LUZP2: variants seen among roughly 807,000 people sequenced by gnomAD.
The protein encoded by LUZP2 is leucine zipper protein 2.
In LUZP2, 52 loss-of-function variants were observed where a neutral mutation model predicts 51.6. That is an observed-to-expected ratio of 1.01 (90% CI 0.81 to 1.27). LUZP2 has a LOEUF of 1.27. Ranked by LOEUF, LUZP2 falls within the 50% of genes most tolerant of loss-of-function variation. The pLI, the probability that LUZP2 is intolerant of heterozygous loss-of-function variation, is 0.00. For synonymous variants in LUZP2, 154 were observed against 137.3 expected, an observed-to-expected ratio of 1.12 and a Z score of -0.85; for missense variants, 436 against 395.4, an observed-to-expected ratio of 1.10 and a Z score of -0.87.
intron 5 of LUZP2, among the ~76,000 whole-genome samples, chr11:24,868,719 T>C (rs1851966744): frequency 1.3e-5 from 2 of 152,074 alleles, no homozygotes; most frequent in African/African-American, 2.4e-5. Flanking sequence ...AAATTAAAAA[T>C]CTCCCCCAAA....
intron 1 of LUZP2, among the ~76,000 whole-genome samples, chr11:24,724,625 G>A (rs1007518503): frequency 2.6e-5 from 4 of 151,984 alleles, no homozygotes; most frequent in Non-Finnish European, 5.9e-5. Context: ...CAAGACAGAA[G>A]GTATTCTATC....
chr11:24,774,195 G>T (rs940200102), intron 5 of LUZP2, among the ~76,000 whole-genome samples: 1 of 151,532 alleles, frequency 6.6e-6, no homozygotes, highest in South Asian at 2.1e-4. Context: ...CTCCTGTGCT[G>T]GATGCTTCCT....
chr11:24,858,334 A>G (rs1851632014), intron 5 of LUZP2, among the ~76,000 whole-genome samples: 3 of 152,158 alleles, frequency 2.0e-5, no homozygotes. Context: ...CTGATAAACT[A>G]TAGCCACTAT....
chr11:24,579,516 A>C lies in LUZP2; in HGVS notation c.62+82211A>C, dbSNP rs184240113. The stretch of plus-strand genomic sequence containing the variant: ...AAGGACAAAATTGTTGTAACTACTC[A>C]AATTGCTTATGGTTTCAACTTTTGA... On this transcript the variant is annotated intron_variant, in intron 1 of 11. Coordinates refer to ENST00000336930, the MANE Select transcript of LUZP2 (RefSeq NM_001009909.4). 9.2e-5 allele frequency among the ~76,000 whole-genome samples: 14 copies of C among 152,208 alleles called. 1 individual carries two copies. Among genetic ancestry groups the C allele is most frequent in the African/African-American group, 3.4e-4 (14 of 41,578 alleles).
intron 5 of LUZP2, among the ~76,000 whole-genome samples, chr11:24,823,080 T>A (rs1282704912): frequency 2.6e-5 from 4 of 152,156 alleles, no homozygotes; most frequent in African/African-American, 9.7e-5. Flanking sequence ...TCTGTTCTCA[T>A]GGGGCTTATA....
chr11:24,906,104 T>C (rs751581559), intron 6 of LUZP2, 51 bp downstream of exon 6: 3 of 1,393,368 alleles, frequency 2.2e-6, no homozygotes, highest in Admixed American at 3.5e-5. Context: ...AACAGTATTA[T>C]TGTCAGATTT....
In LUZP2 at chr11:24,497,213, C is replaced by T; in HGVS notation, c.-31C>T. On this transcript the variant is annotated 5_prime_UTR_variant, in exon 1 of 12. Transcript: ENST00000336930. ...TCCCGAAGAGAGAGAGAGAAGGCAG[C>T]GAGGGAAGGAGGACCCCGGCAGGCA... is the stretch of plus-strand genomic sequence containing the variant. 3 of 1,503,490 alleles carry T rather than the reference C, an allele frequency of 2.0e-6. No homozygotes were observed. The highest frequency in any genetic ancestry group is 2.7e-6 in the Non-Finnish European group (3 of 1,116,946). The allele number at this position is 1,503,490 out of a possible 1,614,324, so 93.1% of individuals were successfully genotyped here.
intron 5 of LUZP2, among the ~76,000 whole-genome samples, chr11:24,846,078 T>C (rs1312100626): frequency 6.6e-6 from 1 of 151,950 alleles, no homozygotes; most frequent in East Asian, 1.9e-4. Context: ...TCCACTTCTA[T>C]TTAAGAGTCA....
intron 9 of LUZP2, among the ~76,000 whole-genome samples, chr11:24,987,494 C>T (rs1055439672): frequency 2.0e-5 from 3 of 151,912 alleles, no homozygotes; most frequent in African/African-American, 2.4e-5. Flanking sequence ...CCATATGTCA[C>T]GCCATCCCAG....
chr11:24,856,743 A>G (rs552073725), intron 5 of LUZP2, among the ~76,000 whole-genome samples: 1 of 152,180 alleles, frequency 6.6e-6, no homozygotes, highest in Admixed American at 6.5e-5. Flanking sequence ...TACATAACTT[A>G]ATGTCTTATC....
intron 2 of LUZP2, among the ~76,000 whole-genome samples, chr11:24,730,333 G>T (rs17234959): frequency 6.6e-6 from 1 of 151,666 alleles, no homozygotes; most frequent in Non-Finnish European, 1.5e-5. Flanking sequence ...AAGGGACAGA[G>T]CTGGTATTTA....
chr11:25,019,533 G>T (rs542700157), intron 9 of LUZP2, among the ~76,000 whole-genome samples: 24 of 152,026 alleles, frequency 1.6e-4, no homozygotes, highest in Admixed American at 9.2e-4. Flanking sequence ...AGCATGGTTT[G>T]GTTGATTTAA....
chr11:24,796,345 T>C (rs944746011), intron 5 of LUZP2, among the ~76,000 whole-genome samples: 11 of 152,244 alleles, frequency 7.2e-5, no homozygotes, highest in African/African-American at 2.6e-4. Flanking sequence ...ACTCTTCCAA[T>C]TATAGTGTGT....
chr11:24,916,920 C>T (rs913235029), intron 7 of LUZP2, among the ~76,000 whole-genome samples: 8 of 152,212 alleles, frequency 5.3e-5, no homozygotes, highest in Admixed American at 6.5e-5. Flanking sequence ...CTGTCTTCCA[C>T]AGTGGTTGAA....
intron 5 of LUZP2, among the ~76,000 whole-genome samples, chr11:24,817,174 A>T (rs1392439625): frequency 6.6e-6 from 1 of 151,448 alleles, no homozygotes; most frequent in Non-Finnish European, 1.5e-5. Context: ...TAATATATCA[A>T]TTGCACCTGC....
At chr11:25,006,548 A>G (rs896464548) in intron 9 of LUZP2, among the ~76,000 whole-genome samples, 1 of 152,156 alleles carries the variant, frequency 6.6e-6, no homozygotes, top group Non-Finnish European at 1.5e-5. Context: ...AGAAAGCCTG[A>G]CACCCGTGTC....
At chr11:24,627,702 T>C (rs1478660132) in intron 1 of LUZP2, among the ~76,000 whole-genome samples, 1 of 152,154 alleles carries the variant, frequency 6.6e-6, no homozygotes, top group Non-Finnish European at 1.5e-5. Flanking sequence ...GGAACCTCTC[T>C]GAAGTACTGA....
chr11:24,997,506 G>A (rs1237881522), intron 9 of LUZP2, among the ~76,000 whole-genome samples: 3 of 152,040 alleles, frequency 2.0e-5, no homozygotes, highest in East Asian at 3.9e-4. Flanking sequence ...TTCATTGTAG[G>A]TTCTAGATAT....
chr11:24,590,093 G>C (rs1238681651), intron 1 of LUZP2, among the ~76,000 whole-genome samples: 1 of 151,930 alleles, frequency 6.6e-6, no homozygotes, highest in Non-Finnish European at 1.5e-5. Context: ...TGTGTACTTG[G>C]TATTCAACCT....
Sources: gnomAD v4.1 joint callset for allele counts (sites outside exome capture counted in the v4.1 genomes callset) on GRCh38, gnomAD v4.1.1 for gene constraint, MANE v1.5 for transcripts, NCBI Gene and HGNC (gene_info 2026-07-23, HGNC 2026-07-21) for gene names.